Variants in SLC39A12 observed in about 807,000 individuals in gnomAD.
SLC39A12 encodes the protein zinc transporter ZIP12.
In SLC39A12, 63 loss-of-function variants were observed where a neutral mutation model predicts 71.1. That is an observed-to-expected ratio of 0.89 (90% CI 0.72 to 1.09). The LOEUF (loss-of-function observed/expected upper bound fraction) is 1.09. Among genes scored for constraint, SLC39A12 ranks in the 50% least tolerant of loss-of-function variants. The probability of loss-of-function intolerance (pLI) is 0.00; values close to 1 mark genes in which losing one functional copy is unlikely to be tolerated. For missense variants in SLC39A12, 892 were observed against 812.6 expected (o/e 1.10, Z -1.19); for synonymous variants, 351 against 301.3 (o/e 1.16, Z -1.71).
intron 11 of SLC39A12, chr10:18,002,313 T>C (rs984634648): frequency 6.6e-6 from 1 of 151,950 alleles, no homozygotes; most frequent in African/African-American, 2.4e-5. Context: ...TATTGACCTA[T>C]CCTTCTTGGA....
intron 6 of SLC39A12, among the ~76,000 whole-genome samples, chr10:17,983,587 G>T (rs1835325832): frequency 6.6e-6 from 1 of 152,084 alleles, no homozygotes; most frequent in Non-Finnish European, 1.5e-5. Flanking sequence ...TTCGAGACCA[G>T]CCTGGCCAAC....
chr10:17,987,673 C>T, intron 7 of SLC39A12, 22 bp downstream of exon 7: 1 of 1,612,812 alleles, frequency 6.2e-7, no homozygotes, highest in Non-Finnish European at 8.5e-7. Context: ...TTTTCCATTT[C>T]AGATAAAGTT....
chr10:17,977,351 T>C (rs1835135811), intron 4 of SLC39A12, among the ~76,000 whole-genome samples: 1 of 152,070 alleles, frequency 6.6e-6, no homozygotes, highest in Non-Finnish European at 1.5e-5. Flanking sequence ...TTGATAACAC[T>C]TAGGAAAATT....
chr10:17,961,700 G>A lies in SLC39A12; in HGVS notation c.381G>A (p.Glu127=), dbSNP rs1834693992. 1 of 1,614,090 alleles carries A rather than the reference G, an allele frequency of 6.2e-7. No homozygotes were observed. Among genetic ancestry groups the A allele is most frequent in the South Asian group, 1.1e-5 (1 of 91,086 alleles). Residue 127 remains glutamate (E), a synonymous_variant, in exon 3 of 13, where the codon GAG becomes GAA. Coordinates refer to ENST00000377369, the MANE Select transcript of SLC39A12 (RefSeq NM_001145195.2). ...TCTATTACATTATTCATCAGGAAGA[G>A]ATCTGTTCTTCAAAGCTCAACATGA... The part of the protein sequence containing the change: ...LLLYYIIHQE[E]ICSSKLNMSN...
In SLC39A12 at chr10:17,987,760, G is replaced by A. The variant is rs543528330; in HGVS notation, c.1269+109G>A. ...ACTGAGACTTCAAAGAGAGAGTATC[G>A]TGGCTGGTGTTTTCCTTAAAAAGAA... is the stretch of plus-strand genomic sequence containing the variant. On this transcript the variant is annotated intron_variant, in intron 7 of 12. Transcript: ENST00000377369. 4.6e-5 allele frequency: 52 copies of A among 1,128,946 alleles called. No homozygotes were observed. In the Admixed American group the frequency reaches 6.4e-4, roughly 14 times the overall value. 69.9% of individuals were successfully genotyped at this position (1,128,946 alleles called of 1,614,324 possible). A position where few individuals can be genotyped will look rare whatever the true frequency, so the allele number is the denominator to read the frequency against.
At chr10:17,975,447 A>ATGTC (rs1301900107) in intron 4 of SLC39A12, among the ~76,000 whole-genome samples, 3 of 152,138 alleles carry the variant, frequency 2.0e-5, no homozygotes, top group Non-Finnish European at 4.4e-5. Flanking sequence ...GGCCCAGGGC[A>ATGTC]TGTCTAGAAA....
chr10:17,964,574 A>G (rs1299157394), intron 3 of SLC39A12, among the ~76,000 whole-genome samples: 1 of 152,224 alleles, frequency 6.6e-6, no homozygotes, highest in Non-Finnish European at 1.5e-5. Flanking sequence ...ATAAAGCAAA[A>G]TTAGAGCTTT....
chr10:17,993,182 A>G lies in SLC39A12; in HGVS notation c.1424A>G (p.Gln475Arg). Residue 475 changes from glutamine (Q) to arginine (R), a missense_variant and splice_region_variant, in exon 9 of 13, where the codon CAG becomes CGG. Physicochemically the swap from Gln to Arg is conservative, Grantham distance 43. Transcript: ENST00000377369. ...FILLVSPNDK[Q>R]GLSLVNGHVG... ...TAATTTTAAACCATCCTCATCCAGC[A>G]GGGCCTGTCATTGGTTAATGGGCAC... is the stretch of plus-strand genomic sequence containing the variant. 2 of 1,549,580 alleles carry G rather than the reference A, an allele frequency of 1.3e-6. No individual in the cohort carries two copies. The highest frequency in any genetic ancestry group is 1.7e-6 in the Non-Finnish European group (2 of 1,145,288).
chr10:18,014,715 A>C (rs1200949760), intron 12 of SLC39A12, among the ~76,000 whole-genome samples: 1 of 152,216 alleles, frequency 6.6e-6, no homozygotes, highest in Admixed American at 6.5e-5. Flanking sequence ...TGTATGACAA[A>C]ATTAATCCTT....
intron 3 of SLC39A12, among the ~76,000 whole-genome samples, chr10:17,962,833 T>C (rs1834726812): frequency 6.6e-6 from 1 of 152,170 alleles, no homozygotes. Flanking sequence ...AATGCGACCA[T>C]ATTTTTATTC....
intron 7 of SLC39A12, 96 bp downstream of exon 7, chr10:17,987,747 AAG>A (rs1273528946): frequency 4.6e-6 from 6 of 1,302,692 alleles, no homozygotes; most frequent in Non-Finnish European, 6.4e-6. Flanking sequence ...TGAGACTTCA[AAG>A]AGAGAGTATC....
intron 12 of SLC39A12, among the ~76,000 whole-genome samples, chr10:18,009,249 T>C (rs1836129867): frequency 6.6e-6 from 1 of 151,896 alleles, no homozygotes; most frequent in South Asian, 2.1e-4. Flanking sequence ...GTCCCTACAA[T>C]GGGGGGAACT....
intron 10 of SLC39A12, 69 bp from the exon 11 acceptor site, chr10:18,000,598 G>A (rs1318196616): frequency 6.7e-7 from 1 of 1,497,318 alleles, no homozygotes; most frequent in African/African-American, 1.4e-5. Flanking sequence ...AGGTTGGTTG[G>A]TTTTGAAGGA....
chr10:17,966,840 G>A (rs990989538), intron 4 of SLC39A12, among the ~76,000 whole-genome samples: 8 of 151,910 alleles, frequency 5.3e-5, no homozygotes, highest in African/African-American at 1.9e-4. Context: ...CAGGCGTGGT[G>A]GCGTGTGCCT....
chr10:17,965,286 C>T (rs1364745965), intron 3 of SLC39A12, among the ~76,000 whole-genome samples, 197 bp from the exon 4 acceptor site: 1 of 151,832 alleles, frequency 6.6e-6, no homozygotes, highest in Non-Finnish European at 1.5e-5. Flanking sequence ...AAATTCAGTG[C>T]CATGGTAGAT....
In SLC39A12 at chr10:17,952,346, G is replaced by A. The variant is rs1251087336; in HGVS notation, c.-87+321G>A. Among the ~76,000 whole-genome samples the A allele has an allele frequency of 5.9e-5, 9 of 151,770 alleles. No homozygotes were observed. In the South Asian group the frequency reaches 6.2e-4, roughly 11 times the overall value. ...GTGTGTGTCATGTTCTTGAGGTCTC[G>A]AAATTCTGTTTTTCTAAGATGCTTC... On this transcript the variant is annotated intron_variant, in intron 1 of 12. Coordinates refer to ENST00000377369, the MANE Select transcript of SLC39A12 (RefSeq NM_001145195.2).
At chr10:18,042,254 G>A (rs1020928005) in intron 12 of SLC39A12, among the ~76,000 whole-genome samples, 2 of 152,098 alleles carry the variant, frequency 1.3e-5, no homozygotes, top group Middle Eastern at 3.2e-3. Flanking sequence ...GCAACATGCA[G>A]GTTGCTTGAG....
At chr10:17,985,802 T>G in intron 6 of SLC39A12, among the ~76,000 whole-genome samples, 1 of 152,192 alleles carries the variant, frequency 6.6e-6, no homozygotes, top group South Asian at 2.1e-4. Flanking sequence ...TATATATTTT[T>G]TCTTTCAAAT....
Position 17,985,502 on chromosome 10 carries a change from A to G in SLC39A12, c.1097-1977A>G, listed in dbSNP as rs148075049. Among the ~76,000 whole-genome samples, 8 of 151,744 alleles carry G rather than the reference A, an allele frequency of 5.3e-5. 1 individual carries two copies. The highest frequency in any genetic ancestry group is 1.9e-4 in the African/African-American group (8 of 41,358). ...GAGCTTTAGGTATTTTGACACCAGG[A>G]TTGTTTGATTTAACTTATTGTATAT... On this transcript the variant is annotated intron_variant, in intron 6 of 12. Transcript: ENST00000377369.
Sources: allele counts gnomAD v4.1 joint callset (sites outside exome capture counted in the v4.1 genomes callset), GRCh38; gene constraint gnomAD v4.1.1; transcripts MANE v1.5; gene names NCBI Gene and HGNC (gene_info 2026-07-23, HGNC 2026-07-21).